The following IRAG1 variants were observed in gnomAD, a reference collection of about 807,000 sequenced individuals.
IRAG1 encodes the protein inositol 1,4,5-triphosphate receptor associated 1.
IRAG1 carries 62 observed loss-of-function variants against 106.2 expected under a neutral mutation model. The ratio of observed to expected loss-of-function variants is 0.58; its 90% CI spans 0.48 to 0.72. IRAG1 has a LOEUF of 0.72. Ranked by LOEUF, IRAG1 falls within the 30% of genes least tolerant of loss-of-function variation. The pLI is 0.00. For missense variants in IRAG1, 1,064 were observed against 1,140.7 expected (o/e 0.93, Z 0.97); for synonymous variants, 462 against 443.9 (o/e 1.04, Z -0.51).
At chr11:10,679,908 G>A (rs937156321) in intron 1 of IRAG1, among the ~76,000 whole-genome samples, 1 of 152,176 alleles carries the variant, frequency 6.6e-6, no homozygotes, top group African/African-American at 2.4e-5. Flanking sequence ...GGGGTGAAAG[G>A]ATATAATGTT....
chr11:10,652,833 C>T (rs184903795), intron 1 of IRAG1, among the ~76,000 whole-genome samples: 82 of 152,276 alleles, frequency 5.4e-4, no homozygotes, highest in Admixed American at 1.2e-3. Context: ...ACCCTCAGCA[C>T]AGGCTCTCTC....
intron 11 of IRAG1, among the ~76,000 whole-genome samples, chr11:10,609,301 G>C (rs780671518): frequency 1.3e-5 from 2 of 152,092 alleles, no homozygotes; most frequent in Non-Finnish European, 2.9e-5. Flanking sequence ...TTTGTGCTTT[G>C]GGAGGCCGAG....
At position 10,671,714 on chromosome 11, in the gene IRAG1, A is replaced by C. The variant is rs151191874; in HGVS notation, c.68-19532T>G. Among the ~76,000 whole-genome samples the C allele has an allele frequency of 6.4e-3, 902 of 140,872 alleles. 9 individuals are homozygous for C. Among genetic ancestry groups the C allele is most frequent in the African/African-American group, 0.023 (860 of 36,904 alleles). 92.4% of individuals were successfully genotyped at this position (140,872 alleles called of 152,430 possible). A position where few individuals can be genotyped will look rare whatever the true frequency, so the allele number is the denominator to read the frequency against. ...GTGACAGGGTGAGACTCTGTCTTAAAAACAACAACAACAAACACAACAACA... is the reference window on the plus strand; with the variant it reads ...GTGACAGGGTGAGACTCTGTCTTAACAACAACAACAACAAACACAACAACA... On this transcript the variant is annotated intron_variant, in intron 1 of 20. Transcript: ENST00000423302.
chr11:10,669,195 A>T (rs1860024077), intron 1 of IRAG1, among the ~76,000 whole-genome samples: 1 of 152,192 alleles, frequency 6.6e-6, no homozygotes, highest in South Asian at 2.1e-4. Flanking sequence ...ACTACCCATG[A>T]ATTTGCATTC....
chr11:10,577,353 C>G (rs369882517), intron 20 of IRAG1, among the ~76,000 whole-genome samples: 1 of 152,078 alleles, frequency 6.6e-6, no homozygotes, highest in African/African-American at 2.4e-5. Flanking sequence ...TGCCCCTTTT[C>G]CCTCTTGATT....
intron 18 of IRAG1, among the ~76,000 whole-genome samples, chr11:10,590,706 T>G (rs1055075248): frequency 3.3e-5 from 5 of 152,160 alleles, no homozygotes; most frequent in Non-Finnish European, 2.9e-5. Context: ...TCTGAGTGCA[T>G]AGAAACAGCC....
chr11:10,593,737 T>C (rs1852943062), intron 16 of IRAG1, 138 bp from the exon 17 acceptor site: 1 of 688,620 alleles, frequency 1.5e-6, no homozygotes, highest in African/African-American at 1.8e-5. Flanking sequence ...GTAGCAATGA[T>C]AGAATTGGTG....
At chr11:10,610,225 G>C (rs1854828956) in intron 10 of IRAG1, among the ~76,000 whole-genome samples, 1 of 152,206 alleles carries the variant, frequency 6.6e-6, no homozygotes, top group Non-Finnish European at 1.5e-5. Flanking sequence ...TCCTTGGCAG[G>C]CTTCTCAGGA....
chr11:10,653,619 T>C (rs1294204152), intron 1 of IRAG1, among the ~76,000 whole-genome samples: 1 of 152,126 alleles, frequency 6.6e-6, no homozygotes, highest in African/African-American at 2.4e-5. Flanking sequence ...TGCCACTCAC[T>C]GGCTATGTGG....
chr11:10,650,788 T>C (rs2134887815), intron 2 of IRAG1, among the ~76,000 whole-genome samples: 1 of 152,292 alleles, frequency 6.6e-6, no homozygotes, highest in African/African-American at 2.4e-5. Context: ...TGGCCCACTG[T>C]CACTTAGACA....
intron 10 of IRAG1, among the ~76,000 whole-genome samples, chr11:10,613,081 T>G (rs1166600842): frequency 6.6e-6 from 1 of 152,082 alleles, no homozygotes; most frequent in African/African-American, 2.4e-5. Context: ...GACCTGGAGT[T>G]GAGACTCTGA....
intron 3 of IRAG1, 46 bp from the exon 4 acceptor site, chr11:10,632,107 T>C: frequency 7.3e-7 from 1 of 1,373,910 alleles, no homozygotes; most frequent in Non-Finnish European, 1.0e-6. Flanking sequence ...AATCCACAAC[T>C]TGAAAATAGG....
At chr11:10,606,460 T>C (rs1200945289) in intron 12 of IRAG1, among the ~76,000 whole-genome samples, 1 of 152,242 alleles carries the variant, frequency 6.6e-6, no homozygotes, top group South Asian at 2.1e-4. Flanking sequence ...TTTGTGTATC[T>C]AAGTCGTACA....
At chr11:10,636,751 G>T (rs1218655626) in intron 2 of IRAG1, among the ~76,000 whole-genome samples, 1 of 152,240 alleles carries the variant, frequency 6.6e-6, no homozygotes, top group East Asian at 1.9e-4. Flanking sequence ...TTAGTGAGGG[G>T]AGTTAAAGAA....
At chr11:10,615,710 C>T (rs1418054136) in intron 10 of IRAG1, among the ~76,000 whole-genome samples, 1 of 151,890 alleles carries the variant, frequency 6.6e-6, no homozygotes, top group Admixed American at 6.6e-5. Context: ...CATGTTCTCA[C>T]TCATAGGCGG....
At chr11:10,594,336 T>C in intron 15 of IRAG1, 141 bp from the exon 16 acceptor site, 1 of 685,144 alleles carries the variant, frequency 1.5e-6, no homozygotes, top group East Asian at 2.8e-5. Flanking sequence ...TTGGGGACAC[T>C]GAGTTTGGCA....
At chr11:10,621,449 G>C (rs933097871) in intron 10 of IRAG1, among the ~76,000 whole-genome samples, 2 of 152,182 alleles carry the variant, frequency 1.3e-5, no homozygotes, top group Non-Finnish European at 2.9e-5. Context: ...TGGGTCCCTG[G>C]AGGTACCTTG....
At chr11:10,586,699 T>C (rs1826970504) in intron 18 of IRAG1, among the ~76,000 whole-genome samples, 3 of 152,324 alleles carry the variant, frequency 2.0e-5, no homozygotes, top group African/African-American at 7.2e-5. Context: ...GTTACAGGCA[T>C]GAGCCACCGC....
In IRAG1 at chr11:10,618,789, A is replaced by G. The variant is rs74399303; in HGVS notation, c.1447+4989T>C. On this transcript the variant is annotated intron_variant, in intron 10 of 20. Transcript: ENST00000423302. ...GAGTGAGAGTGAGTGTGGCCCTAGA[A>G]TATGCTGGGGAAGTGGGTGGGGTTA... 5.5e-3 allele frequency among the ~76,000 whole-genome samples: 838 copies of G among 152,320 alleles called. 7 individuals carry two copies. The highest frequency in any genetic ancestry group is 0.019 in the African/African-American group (776 of 41,578).
Sources: allele counts gnomAD v4.1 joint callset (sites outside exome capture counted in the v4.1 genomes callset), GRCh38; gene constraint gnomAD v4.1.1; transcripts MANE v1.5; gene names NCBI Gene and HGNC (gene_info 2026-07-23, HGNC 2026-07-21).